SLC12A7: variants seen among roughly 807,000 people sequenced by gnomAD.
The protein encoded by SLC12A7 is solute carrier family 12 member 7.
A neutral mutation model predicts 120.6 loss-of-function variants in SLC12A7; 100 were observed. That is an observed-to-expected ratio of 0.83 (90% CI 0.71 to 0.98). SLC12A7 has a LOEUF of 0.98. Ranked by LOEUF, SLC12A7 falls within the 50% of genes least tolerant of loss-of-function variation. SLC12A7 has a pLI of 0.00. For synonymous variants in SLC12A7, 760 were observed against 678.0 expected (o/e 1.12, Z -1.88); for missense variants, 1,373 against 1,548.1 (o/e 0.89, Z 1.90).
At chr5:1,123,592 G>T in the SLC12A7 span, among the ~76,000 whole-genome samples, 1 of 152,254 alleles carries the variant, frequency 6.6e-6, no homozygotes, top group Non-Finnish European at 1.5e-5. Flanking sequence ...AAGGCAATGA[G>T]GCCGGCCAGA....
chr5:1,136,343 G>A, the SLC12A7 span, among the ~76,000 whole-genome samples: 1 of 151,750 alleles, frequency 6.6e-6, no homozygotes, highest in Non-Finnish European at 1.5e-5. Context: ...AGGACACGCA[G>A]GCACACACGT....
In SLC12A7 at chr5:1,073,776, G is replaced by C; in HGVS notation, c.2098C>G (p.Leu700Val). The change falls in exon 17 of 24, where the codon CTG (leucine) becomes GTG (valine). Residue 700 changes from leucine (L) to valine (V), a missense_variant. Coordinates refer to ENST00000264930, the MANE Select transcript of SLC12A7 (RefSeq NM_006598.3). Reference protein sequence around the residue: ...WRPQVLVMLNLDAEQAVKHPR... With the variant: ...WRPQVLVMLNVDAEQAVKHPR... ...TGCTTCACGGCCTGCTCCGCGTCCAGGTTCAGCATCACCAGCACCTGGGGC... is the reference window on the plus strand; with the variant it reads ...TGCTTCACGGCCTGCTCCGCGTCCACGTTCAGCATCACCAGCACCTGGGGC... The C allele has an allele frequency of 6.8e-6, 10 of 1,462,432 alleles. No individual in the cohort carries two copies. Among genetic ancestry groups the C allele is most frequent in the Non-Finnish European group, 8.2e-6 (9 of 1,102,934 alleles). The allele number at this position is 1,462,432 out of a possible 1,614,324, so 90.6% of individuals were successfully genotyped here. A position where few individuals can be genotyped will look rare whatever the true frequency, so the allele number is the denominator to read the frequency against.
At chr5:1,115,867 G>GGGAAGGGAGGAGAGGGAAGGGAGGA (rs1743298575), upstream of SLC12A7, among the ~76,000 whole-genome samples, 1 of 134,612 alleles carries the variant, frequency 7.4e-6, no homozygotes, top group African/African-American at 3.6e-5. Context: ...AAAGGAAAGA[G>GGGAAGGGAGGAGAGGGAAGGGAGGA]GTGGGAAGGG....
the SLC12A7 span, among the ~76,000 whole-genome samples, chr5:1,143,614 C>T: frequency 1.3e-5 from 2 of 152,186 alleles, no homozygotes; most frequent in Non-Finnish European, 2.9e-5. Context: ...ACGACTCAGT[C>T]GGCAGCTGTC....
the SLC12A7 span, among the ~76,000 whole-genome samples, chr5:1,143,658 G>A: frequency 6.6e-6 from 1 of 152,202 alleles, no homozygotes; most frequent in Non-Finnish European, 1.5e-5. Flanking sequence ...GACCTTCCCA[G>A]GGTTCTCCCT....
intron 17 of SLC12A7, among the ~76,000 whole-genome samples, chr5:1,070,042 AGTG>A (rs1737521075): frequency 2.1e-4 from 1 of 4,730 alleles, no homozygotes; most frequent in Non-Finnish European, 6.9e-4. Flanking sequence ...TGCAGCCCCC[AGTG>A]AGCCCCCAGT....
At chr5:1,112,319 G>A (rs1467288160), upstream of SLC12A7, among the ~76,000 whole-genome samples, 1 of 36,584 alleles carries the variant, frequency 2.7e-5, no homozygotes, top group African/African-American at 1.5e-4. Flanking sequence ...TGCCCCTCCT[G>A]CTGGAACTCC....
chr5:1,131,597 G>A, the SLC12A7 span, among the ~76,000 whole-genome samples: 1 of 152,210 alleles, frequency 6.6e-6, no homozygotes, highest in Non-Finnish European at 1.5e-5. Flanking sequence ...GGCCTCACCT[G>A]ACCTCTCCGG....
At chr5:1,145,018 C>T in the SLC12A7 span, among the ~76,000 whole-genome samples, 12 of 152,258 alleles carry the variant, frequency 7.9e-5, no homozygotes, top group East Asian at 1.9e-4. This position sits in a 1 kb window ranked among gnomAD's most constrained non-coding sequence, Gnocchi z 4.4. Context: ...CCAACCGGGC[C>T]GGGGCTGGGG....
chr5:1,087,519 G>C (rs1740001343), intron 5 of SLC12A7, among the ~76,000 whole-genome samples: 1 of 152,270 alleles, frequency 6.6e-6, no homozygotes, highest in South Asian at 2.1e-4. Flanking sequence ...TCTGAGCAGT[G>C]CGTGTGGCAT....
the SLC12A7 span, among the ~76,000 whole-genome samples, chr5:1,117,723 C>T: frequency 4.6e-5 from 7 of 152,204 alleles, no homozygotes; most frequent in African/African-American, 1.7e-4. The surrounding 1 kb of genome is among the most constrained non-coding windows in gnomAD (Gnocchi z 4.5). Flanking sequence ...CATCTCTGAC[C>T]TGACCAATCA....
chr5:1,111,213 G>C (rs1413398768), intron 1 of SLC12A7, among the ~76,000 whole-genome samples: 1 of 152,116 alleles, frequency 6.6e-6, no homozygotes, highest in Non-Finnish European at 1.5e-5. Flanking sequence ...AACAGGGCTG[G>C]GGGATTCTCT....
At chr5:1,117,497 G>T in the SLC12A7 span, among the ~76,000 whole-genome samples, 1 of 152,172 alleles carries the variant, frequency 6.6e-6, no homozygotes, top group Non-Finnish European at 1.5e-5. This position sits in a 1 kb window ranked among gnomAD's most constrained non-coding sequence, Gnocchi z 4.5. Flanking sequence ...CAAGATTAAA[G>T]AAATTGTGGT....
At chr5:1,053,960 C>T (rs1318110348) in intron 22 of SLC12A7, among the ~76,000 whole-genome samples, 1 of 152,232 alleles carries the variant, frequency 6.6e-6, no homozygotes, top group Non-Finnish European at 1.5e-5. Flanking sequence ...CACATGGCCT[C>T]CTCTCCGAGG....
intron 17 of SLC12A7, among the ~76,000 whole-genome samples, chr5:1,073,269 A>C (rs1199180935): frequency 2.9e-5 from 4 of 135,604 alleles, no homozygotes; most frequent in African/African-American, 1.3e-4. Context: ...GCCCCCAGTG[A>C]GCCCCCAGCA....
chr5:1,054,481 G>A (rs1338866386), intron 22 of SLC12A7, among the ~76,000 whole-genome samples: 8 of 152,228 alleles, frequency 5.3e-5, no homozygotes, highest in Admixed American at 2.6e-4. Flanking sequence ...CAGAACTGGC[G>A]TTCCAGGAGG....
chr5:1,145,978 T>C, the SLC12A7 span, among the ~76,000 whole-genome samples: 1 of 152,294 alleles, frequency 6.6e-6, no homozygotes, highest in South Asian at 2.1e-4. The surrounding 1 kb of genome is among the most constrained non-coding windows in gnomAD (Gnocchi z 4.4). Context: ...GAACTTCCTT[T>C]GCAAAACTGC....
At chr5:1,153,418 C>G in the SLC12A7 span, among the ~76,000 whole-genome samples, 2 of 152,240 alleles carry the variant, frequency 1.3e-5, no homozygotes, top group African/African-American at 4.8e-5. Context: ...TTCACCTGCC[C>G]CCACACGCTT....
the SLC12A7 span, among the ~76,000 whole-genome samples, chr5:1,140,786 A>G: frequency 6.6e-6 from 1 of 152,236 alleles, no homozygotes; most frequent in African/African-American, 2.4e-5. Context: ...CAGGAGGGCC[A>G]TTGACAAGCA....
Sources: allele counts gnomAD v4.1 joint callset (sites outside exome capture counted in the v4.1 genomes callset), GRCh38; gene constraint gnomAD v4.1.1; non-coding constraint Gnocchi (gnomAD v3.1); transcripts MANE v1.5; gene names NCBI Gene and HGNC (gene_info 2026-07-23, HGNC 2026-07-21).